The following ATP2B2 variants were observed in gnomAD, a reference collection of about 807,000 sequenced individuals.
ATP2B2 encodes ATPase plasma membrane Ca2+ transporting 2, also known as plasma membrane calcium-transporting ATPase 2.
ATP2B2 carries 15 observed loss-of-function variants against 120.0 expected under a neutral mutation model. The ratio of observed to expected loss-of-function variants is 0.12; its 90% CI spans 0.08 to 0.19. The LOEUF is 0.19. Among genes scored for constraint, ATP2B2 ranks in the 10% least tolerant of loss-of-function variants. ATP2B2 has a pLI of 1.00. For missense variants in ATP2B2, 1,045 were observed against 1,719.8 expected (o/e 0.61, Z 6.94); for synonymous variants, 694 against 700.3 (o/e 0.99, Z 0.14).
intron 12 of ATP2B2, among the ~76,000 whole-genome samples, chr3:10,364,998 G>A (rs762981360): frequency 5.9e-5 from 9 of 152,300 alleles, no homozygotes; most frequent in Non-Finnish European, 1.0e-4. Flanking sequence ...AGTTCTTCAC[G>A]TGCATCACCT....
At chr3:10,694,911 T>C (rs2071718994) in intron 1 of ATP2B2, among the ~76,000 whole-genome samples, 1 of 151,964 alleles carries the variant, frequency 6.6e-6, no homozygotes, top group South Asian at 2.1e-4. Flanking sequence ...ACTGAAGGTC[T>C]CTATGGCCCT....
At chr3:10,480,697 T>C (rs2125318375) in intron 1 of ATP2B2, among the ~76,000 whole-genome samples, 1 of 152,298 alleles carries the variant, frequency 6.6e-6, no homozygotes, top group East Asian at 1.9e-4. Flanking sequence ...TCCATCTTGT[T>C]CTCGCCATTT....
chr3:10,462,975 T>C (rs536046721), intron 1 of ATP2B2, among the ~76,000 whole-genome samples: 49 of 152,306 alleles, frequency 3.2e-4, no homozygotes, highest in African/African-American at 1.2e-3. Flanking sequence ...TCTGAACAAC[T>C]AATGCAAGTT....
chr3:10,525,451 C>G (rs1275898355), intron 3 of ATP2B2, among the ~76,000 whole-genome samples: 1 of 152,236 alleles, frequency 6.6e-6, no homozygotes, highest in Non-Finnish European at 1.5e-5. Flanking sequence ...TCAGTTTCCC[C>G]TATTATTCAC....
intron 2 of ATP2B2, among the ~76,000 whole-genome samples, chr3:10,610,139 G>GTATA (rs57524000): frequency 3.6e-5 from 5 of 140,438 alleles, no homozygotes; most frequent in Admixed American, 1.4e-4. Context: ...ATATATACAT[G>GTATA]TATATATATA....
At chr3:10,532,352 C>T (rs914744108) in intron 3 of ATP2B2, among the ~76,000 whole-genome samples, 4 of 152,202 alleles carry the variant, frequency 2.6e-5, no homozygotes, top group East Asian at 1.9e-4. Context: ...GCCCTGGCTT[C>T]GAGCATCCTT....
intron 2 of ATP2B2, among the ~76,000 whole-genome samples, chr3:10,574,199 C>T (rs1257943771): frequency 6.6e-6 from 1 of 152,132 alleles, no homozygotes; most frequent in Non-Finnish European, 1.5e-5. Context: ...GTTTTGGTTC[C>T]TGCCTCCCTC....
chr3:10,386,430 CCTG>C (rs751158327), intron 7 of ATP2B2, 47 bp downstream of exon 7: 23 of 1,598,408 alleles, frequency 1.4e-5, no homozygotes, highest in Non-Finnish European at 1.8e-5. Context: ...ATGACCAAAG[CCTG>C]CTGCTATTTC....
At chr3:10,535,354 A>T (rs1286193476) in intron 2 of ATP2B2, among the ~76,000 whole-genome samples, 3 of 151,990 alleles carry the variant, frequency 2.0e-5, no homozygotes, top group African/African-American at 7.3e-5. Context: ...GTGACATCAT[A>T]CAATCTACAG....
intron 1 of ATP2B2, among the ~76,000 whole-genome samples, chr3:10,640,753 A>C (rs2070149429): frequency 6.6e-6 from 1 of 151,212 alleles, no homozygotes. Flanking sequence ...AGGGCTCTCC[A>C]GGCAGACAAG....
intron 1 of ATP2B2, among the ~76,000 whole-genome samples, chr3:10,466,052 C>T (rs1385943327): frequency 6.6e-6 from 1 of 152,228 alleles, no homozygotes; most frequent in African/African-American, 2.4e-5. Context: ...AGGTCAACAT[C>T]CCTGTGATGC....
At position 10,347,850 on chromosome 3, in the gene ATP2B2, G is replaced by T. The variant is rs568705035; in HGVS notation, c.2405-1713C>A. ...GGCCTGACTGTGTGCAGTCACCAGGGGCCTCCCTGTGGCTGCTTCCTATGG... is the reference window on the plus strand; with the variant it reads ...GGCCTGACTGTGTGCAGTCACCAGGTGCCTCCCTGTGGCTGCTTCCTATGG... On this transcript the variant is annotated intron_variant, in intron 16 of 22. Coordinates refer to ENST00000360273, the MANE Select transcript of ATP2B2 (RefSeq NM_001001331.4). This position sits in a 1 kb window ranked among gnomAD's most constrained non-coding sequence, Gnocchi z 5.2. Among the ~76,000 whole-genome samples the T allele has an allele frequency of 1.3e-5, 2 of 152,084 alleles. No homozygotes were observed. The highest frequency in any genetic ancestry group is 2.1e-4 in the South Asian group (1 of 4,826).
At chr3:10,597,063 C>CCACACACACA (rs58466640) in intron 2 of ATP2B2, among the ~76,000 whole-genome samples, 1 of 142,846 alleles carries the variant, frequency 7.0e-6, no homozygotes, top group African/African-American at 2.6e-5. Flanking sequence ...ACACACAGGG[C>CCACACACACA]CACACACACA....
rs546327003 is a variant in ATP2B2, at chr3:10,343,971, G to C, written c.2704-1006C>G. ...CCTGTAAGCTCAACAGCCCAAACCC[G>C]ATGCTCTTCCCACCTCTGTTCTCTC... On this transcript the variant is annotated intron_variant, in intron 18 of 22. Coordinates refer to ENST00000360273, the MANE Select transcript of ATP2B2 (RefSeq NM_001001331.4). The surrounding 1 kb of genome is among the most constrained non-coding windows in gnomAD (Gnocchi z 4.2). 1.8e-4 allele frequency among the ~76,000 whole-genome samples: 28 copies of C among 151,850 alleles called. No homozygotes were observed. Among genetic ancestry groups the C allele is most frequent in the Admixed American group, 5.3e-4 (8 of 15,236 alleles).
intron 2 of ATP2B2, among the ~76,000 whole-genome samples, chr3:10,412,198 A>G (rs1327428897): frequency 1.3e-5 from 2 of 152,166 alleles, no homozygotes; most frequent in Non-Finnish European, 2.9e-5. Flanking sequence ...TTGCCTGTCT[A>G]TACATCCCCT....
At chr3:10,699,406 T>C (rs919388530) in intron 1 of ATP2B2, among the ~76,000 whole-genome samples, 3 of 152,138 alleles carry the variant, frequency 2.0e-5, no homozygotes, top group African/African-American at 4.8e-5. Flanking sequence ...ATATTTAAGA[T>C]GACCATTATT....
At chr3:10,686,665 A>G (rs991076517) in intron 1 of ATP2B2, among the ~76,000 whole-genome samples, 5 of 151,968 alleles carry the variant, frequency 3.3e-5, no homozygotes, top group Non-Finnish European at 7.4e-5. Context: ...AAAAAAAAAA[A>G]GCACGCAATC....
chr3:10,345,906 G>A, intron 17 of ATP2B2, 125 bp downstream of exon 17: 2 of 967,232 alleles, frequency 2.1e-6, no homozygotes, highest in Admixed American at 2.1e-5. Context: ...CGAGAAGGGT[G>A]GGCACCCACG....
chr3:10,541,944 C>G (rs1362481253), intron 2 of ATP2B2, among the ~76,000 whole-genome samples: 1 of 152,120 alleles, frequency 6.6e-6, no homozygotes, highest in Non-Finnish European at 1.5e-5. Context: ...TTGGTGTACA[C>G]ATATTTAGGA....
Sources: gnomAD v4.1 joint callset for allele counts (sites outside exome capture counted in the v4.1 genomes callset) on GRCh38, gnomAD v4.1.1 for gene constraint, Gnocchi (gnomAD v3.1) non-coding constraint, MANE v1.5 for transcripts, NCBI Gene and HGNC (gene_info 2026-07-23, HGNC 2026-07-21) for gene names.